PTPRD: variants seen among roughly 807,000 people sequenced by gnomAD.
The protein encoded by PTPRD is protein tyrosine phosphatase receptor type D.
Under a neutral mutation model 214.5 loss-of-function variants are expected in PTPRD, and 34 were observed. The ratio of observed to expected loss-of-function variants is 0.16; its 90% CI spans 0.12 to 0.21. The LOEUF (loss-of-function observed/expected upper bound fraction) is 0.21. PTPRD is among the 10% of genes least tolerant of loss of function. PTPRD has a pLI of 1.00. For missense variants in PTPRD, 2,545 were observed against 2,398.7 expected (o/e 1.06, Z -1.27); for synonymous variants, 1,128 against 845.7 (o/e 1.33, Z -5.79).
At chr9:10,351,446 T>G (rs868226618) in intron 2 of PTPRD, among the ~76,000 whole-genome samples, 1 of 152,076 alleles carries the variant, frequency 6.6e-6, no homozygotes, top group South Asian at 2.1e-4. Flanking sequence ...GAAAAGGGAA[T>G]GGATTTGTTC....
intron 2 of PTPRD, among the ~76,000 whole-genome samples, chr9:10,353,426 T>C (rs1398360677): frequency 1.3e-5 from 2 of 152,148 alleles, no homozygotes; most frequent in African/African-American, 2.4e-5. Context: ...TCAATATTAA[T>C]TGAATACTTT....
chr9:10,002,091 T>A (rs2096334322), intron 4 of PTPRD, among the ~76,000 whole-genome samples: 1 of 151,742 alleles, frequency 6.6e-6, no homozygotes, highest in Admixed American at 6.6e-5. Context: ...TAAGTTGTAT[T>A]AATCTGAACT....
intron 9 of PTPRD, among the ~76,000 whole-genome samples, chr9:9,387,490 T>C (rs184343769): frequency 6.6e-6 from 1 of 152,314 alleles, no homozygotes; most frequent in Admixed American, 6.5e-5. Context: ...ATGTTTTTAT[T>C]TCAACCTTAT....
At chr9:10,356,656 C>T (rs1351787452) in intron 2 of PTPRD, among the ~76,000 whole-genome samples, 1 of 151,918 alleles carries the variant, frequency 6.6e-6, no homozygotes, top group Non-Finnish European at 1.5e-5. Flanking sequence ...CATTATGGCT[C>T]ATGTATTCAT....
At chr9:10,564,662 G>A (rs923558284) in intron 2 of PTPRD, among the ~76,000 whole-genome samples, 1 of 151,880 alleles carries the variant, frequency 6.6e-6, no homozygotes, top group African/African-American at 2.4e-5. Flanking sequence ...CAGACTCAGG[G>A]GCTCACCAAT....
chr9:8,617,308 G>A (rs371809323), intron 14 of PTPRD, among the ~76,000 whole-genome samples: 2 of 152,046 alleles, frequency 1.3e-5, no homozygotes, highest in Admixed American at 6.6e-5. Flanking sequence ...AGGGTTGGTC[G>A]ATGAAGCACC....
intron 5 of PTPRD, among the ~76,000 whole-genome samples, chr9:9,905,288 G>T (rs913186997): frequency 1.3e-5 from 2 of 151,716 alleles, no homozygotes; most frequent in African/African-American, 4.8e-5. Context: ...GAAAGTCAGG[G>T]TTCTTTTTTT....
At chr9:9,605,408 A>C (rs12342652) in intron 7 of PTPRD, among the ~76,000 whole-genome samples, 1 of 151,988 alleles carries the variant, frequency 6.6e-6, no homozygotes, top group Admixed American at 6.6e-5. Flanking sequence ...AGTAGGGAAA[A>C]GTCATGCAAA....
At chr9:10,498,462 A>T (rs2042752760) in intron 2 of PTPRD, among the ~76,000 whole-genome samples, 1 of 151,868 alleles carries the variant, frequency 6.6e-6, no homozygotes, top group South Asian at 2.1e-4. Flanking sequence ...GTTATACCAC[A>T]TTAAAGGAAG....
intron 6 of PTPRD, among the ~76,000 whole-genome samples, chr9:9,746,648 G>A (rs1380357603): frequency 6.6e-6 from 1 of 152,090 alleles, no homozygotes; most frequent in African/African-American, 2.4e-5. Context: ...TGAGAAGTTG[G>A]ATGAGAAGTG....
chr9:10,607,261 T>G (rs990877331), intron 2 of PTPRD, among the ~76,000 whole-genome samples: 1 of 151,912 alleles, frequency 6.6e-6, no homozygotes, highest in Non-Finnish European at 1.5e-5. Flanking sequence ...GGACTCATTA[T>G]TAAAGGCAAC....
At chr9:10,259,316 G>A (rs1244731020) in intron 3 of PTPRD, among the ~76,000 whole-genome samples, 1 of 152,084 alleles carries the variant, frequency 6.6e-6, no homozygotes, top group East Asian at 1.9e-4. Flanking sequence ...GAGCCACCGC[G>A]CCCGGCCGGT....
chr9:9,474,099 G>C (rs931209084), intron 8 of PTPRD, among the ~76,000 whole-genome samples: 1 of 151,974 alleles, frequency 6.6e-6, no homozygotes. Flanking sequence ...TTGGGTCTTA[G>C]TTTAAGTCTT....
chr9:9,818,383 C>G (rs548865015), intron 5 of PTPRD, among the ~76,000 whole-genome samples: 40 of 152,208 alleles, frequency 2.6e-4, no homozygotes, highest in African/African-American at 9.4e-4. Flanking sequence ...GCTCATTAAC[C>G]AAGCTGGTGT....
At chr9:8,983,364 T>C (rs2099323471) in intron 11 of PTPRD, among the ~76,000 whole-genome samples, 2 of 152,200 alleles carry the variant, frequency 1.3e-5, no homozygotes, top group South Asian at 2.1e-4. Context: ...GTCAAAAATA[T>C]ACTCAATTTA....
At chr9:8,695,430 T>C (rs1335566555) in intron 12 of PTPRD, among the ~76,000 whole-genome samples, 2 of 149,462 alleles carry the variant, frequency 1.3e-5, no homozygotes, top group Admixed American at 6.6e-5. Context: ...CAGGTTACTA[T>C]AGAATGAGAG....
chr9:10,072,705 A>T (rs1337402965), intron 3 of PTPRD, among the ~76,000 whole-genome samples: 1 of 151,990 alleles, frequency 6.6e-6, no homozygotes, highest in Non-Finnish European at 1.5e-5. Flanking sequence ...GCATTTTACA[A>T]TCCTCTTGCT....
intron 3 of PTPRD, among the ~76,000 whole-genome samples, chr9:10,206,745 T>C (rs1341721492): frequency 1.3e-5 from 2 of 152,150 alleles, no homozygotes; most frequent in Non-Finnish European, 2.9e-5. Context: ...TTGGTATATA[T>C]AGGTCCTGAT....
At chr9:9,949,796 A>G (rs921103991) in intron 4 of PTPRD, among the ~76,000 whole-genome samples, 8 of 152,176 alleles carry the variant, frequency 5.3e-5, no homozygotes, top group African/African-American at 1.9e-4. Context: ...TGTGACATCA[A>G]CTTTAGACTG....
Sources: gnomAD v4.1 joint callset for allele counts (sites outside exome capture counted in the v4.1 genomes callset) on GRCh38, gnomAD v4.1.1 for gene constraint, MANE v1.5 for transcripts, NCBI Gene and HGNC (gene_info 2026-07-23, HGNC 2026-07-21) for gene names.